PECAM1: variants seen among roughly 807,000 people sequenced by gnomAD.
PECAM1 encodes the protein platelet and endothelial cell adhesion molecule 1, also known as platelet endothelial cell adhesion molecule.
In PECAM1, 8 loss-of-function variants were observed where a neutral mutation model predicts 13.8. The ratio of observed to expected loss-of-function variants is 0.58; its 90% CI spans 0.34 to 1.05. The LOEUF (loss-of-function observed/expected upper bound fraction) is 1.05. Ranked by LOEUF, PECAM1 falls within the 50% of genes least tolerant of loss-of-function variation. The probability of loss-of-function intolerance (pLI) is 0.03; values close to 1 mark genes in which losing one functional copy is unlikely to be tolerated. For synonymous variants in PECAM1, 136 were observed against 52.6 expected (o/e 2.58, Z -6.86); for missense variants, 304 against 141.2 (o/e 2.15, Z -5.84).
At chr17:64,337,720 T>C (rs2035317961) in intron 14 of PECAM1, among the ~76,000 whole-genome samples, 1 of 151,978 alleles carries the variant, frequency 6.6e-6, no homozygotes, top group Non-Finnish European at 1.5e-5. Context: ...GACTGAGTAA[T>C]CTAGAACCAA....
chr17:64,376,663 G>A (rs2036366605), intron 3 of PECAM1, among the ~76,000 whole-genome samples: 1 of 152,070 alleles, frequency 6.6e-6, no homozygotes, highest in Non-Finnish European at 1.5e-5. Flanking sequence ...AAGAATGGAT[G>A]GCAATACTGA....
intron 13 of PECAM1, among the ~76,000 whole-genome samples, chr17:64,342,156 A>AC: frequency 5.0e-5 from 4 of 79,932 alleles, no homozygotes; most frequent in Middle Eastern, 0.012. Context: ...CCTCAAAAAA[A>AC]AAAAAAAGAA....
At chr17:64,350,326 C>CTT in intron 12 of PECAM1, 54 bp downstream of exon 12, 1 of 406,486 alleles carries the variant, frequency 2.5e-6, no homozygotes, top group East Asian at 3.6e-5. Flanking sequence ...TCCTATGAGT[C>CTT]TTTTTTTTAA....
intron 2 of PECAM1, among the ~76,000 whole-genome samples, chr17:64,388,836 T>G (rs1281022051): frequency 6.6e-6 from 1 of 152,014 alleles, no homozygotes; most frequent in Non-Finnish European, 1.5e-5. Flanking sequence ...CCAGCTAATT[T>G]TTTGTATTTT....
chr17:64,378,210 C>T (rs1167635770), intron 2 of PECAM1, 93 bp from the exon 3 acceptor site: 3 of 407,880 alleles, frequency 7.4e-6, no homozygotes, highest in African/African-American at 4.1e-5. Flanking sequence ...GGTCTTATCC[C>T]ATCCTATGCA....
At chr17:64,363,526 T>C in intron 5 of PECAM1, 129 bp from the exon 6 acceptor site, 1 of 462,112 alleles carries the variant, frequency 2.2e-6, no homozygotes, top group Non-Finnish European at 3.9e-6. Context: ...AAAGTTTTCC[T>C]TTGCTTCTCA....
At chr17:64,349,827 G>A (rs988217794) in intron 12 of PECAM1, among the ~76,000 whole-genome samples, 2 of 152,094 alleles carry the variant, frequency 1.3e-5, no homozygotes, top group African/African-American at 2.4e-5. Flanking sequence ...GGAGGTTGCA[G>A]TGAGCCGAGA....
chr17:64,363,861 T>C (rs912537074), intron 5 of PECAM1, among the ~76,000 whole-genome samples: 1 of 151,910 alleles, frequency 6.6e-6, no homozygotes, highest in African/African-American at 2.4e-5. Flanking sequence ...AGAGAATCCC[T>C]TGAACCCAGG....
At chr17:64,374,728 G>A (rs2036318545) in intron 4 of PECAM1, among the ~76,000 whole-genome samples, 1 of 151,802 alleles carries the variant, frequency 6.6e-6, no homozygotes, top group Non-Finnish European at 1.5e-5. Flanking sequence ...AGGCTGCACT[G>A]AGCCAAGATT....
At chr17:64,346,968 AG>A (rs1203033651) in intron 13 of PECAM1, among the ~76,000 whole-genome samples, 1,641 of 152,322 alleles carry the variant, frequency 0.011, 48 homozygotes, top group African/African-American at 0.037. Flanking sequence ...TGGGTTTGGC[AG>A]GGGGTCTACC....
chr17:64,323,756 A>T lies in PECAM1; in HGVS notation c.*60T>A. The T allele has an allele frequency of 8.0e-7, 1 of 1,256,334 alleles. No homozygotes were observed. Among genetic ancestry groups the T allele is most frequent in the Non-Finnish European group, 1.2e-6 (1 of 854,608 alleles). The allele number at this position is 1,256,334 out of a possible 1,614,324, so 77.8% of individuals were successfully genotyped here. A position where few individuals can be genotyped will look rare whatever the true frequency, so the allele number is the denominator to read the frequency against. ...TGCACAGAGGTCTTGAAATACAGGG[A>T]TTATCTGTTCTTCTCGGAACATGGA... On this transcript the variant is annotated 3_prime_UTR_variant, in exon 16 of 16. Transcript: ENST00000563924.
rs1368117885 is a variant in PECAM1 at position 64,322,432 on chromosome 17, C to G, written c.*1384G>C. The G allele has an allele frequency of 1.0e-6, 1 of 985,976 alleles. No individual in the cohort carries two copies. Among genetic ancestry groups the G allele is most frequent in the African/African-American group, 1.7e-5 (1 of 57,232 alleles). 61.1% of individuals were successfully genotyped at this position (985,976 alleles called of 1,614,324 possible). A position where few individuals can be genotyped will look rare whatever the true frequency, so the allele number is the denominator to read the frequency against. On this transcript the variant is annotated 3_prime_UTR_variant, in exon 16 of 16. Transcript: ENST00000563924. ...TAGACCTGCTCGGTTCTCTCTGTGACTTCAGAGGCCCAAGGAGTCCTCAGC... is the reference window on the plus strand; with the variant it reads ...TAGACCTGCTCGGTTCTCTCTGTGAGTTCAGAGGCCCAAGGAGTCCTCAGC...
chr17:64,347,106 C>G (rs1305949544), intron 13 of PECAM1, among the ~76,000 whole-genome samples: 1 of 152,108 alleles, frequency 6.6e-6, no homozygotes, highest in Non-Finnish European at 1.5e-5. Context: ...GTGGTGGCTT[C>G]GCCTGTAATC....
At chr17:64,361,255 C>T (rs988865455) in intron 6 of PECAM1, among the ~76,000 whole-genome samples, 11 of 151,796 alleles carry the variant, frequency 7.2e-5, no homozygotes, top group Admixed American at 1.3e-4. Context: ...AAGGGATTCT[C>T]CTGCCTCAGC....
In PECAM1 at chr17:64,355,049, A is replaced by C; in HGVS notation, c.1781-9T>G. On this transcript the variant is annotated splice_polypyrimidine_tract_variant and intron_variant, in intron 8 of 15. Transcript: ENST00000563924. ...CCATGGGGCAAGAATGACTGAAAAC[A>C]AAACAAAACAAAAAATTTTTTTTGT... 1 of 475,318 alleles carries C rather than the reference A, an allele frequency of 2.1e-6. No homozygotes were observed. The highest frequency in any genetic ancestry group is 3.9e-6 in the Non-Finnish European group (1 of 259,016). The allele number at this position is 475,318 out of a possible 1,614,324, so 29.4% of individuals were successfully genotyped here. A position where few individuals can be genotyped will look rare whatever the true frequency, so the allele number is the denominator to read the frequency against.
At chr17:64,372,675 G>C (rs2036267647) in intron 4 of PECAM1, among the ~76,000 whole-genome samples, 1 of 151,776 alleles carries the variant, frequency 6.6e-6, no homozygotes. Flanking sequence ...GCTAATTTTT[G>C]TATTTTTAGT....
intron 15 of PECAM1, among the ~76,000 whole-genome samples, chr17:64,325,312 C>T (rs1306760266): frequency 1.3e-5 from 2 of 151,876 alleles, no homozygotes; most frequent in Non-Finnish European, 2.9e-5. Flanking sequence ...GGCGTGAACC[C>T]GGGAGGCGGA....
intron 14 of PECAM1, among the ~76,000 whole-genome samples, chr17:64,330,952 T>C (rs572400141): frequency 1.3e-5 from 2 of 152,326 alleles, no homozygotes; most frequent in Admixed American, 1.3e-4. Flanking sequence ...ACTATTGACT[T>C]CACCAATTCC....
In PECAM1 at chr17:64,390,616, A is replaced by G. The variant is rs1448332566; in HGVS notation, c.50T>C (p.Leu17Pro). ...QGATMWLGVLLTLLLCSSLEG... is the reference protein window; with the variant it reads ...QGATMWLGVLPTLLLCSSLEG... ...TAAACACTCACAGAGCAGAAGGGTC[A>G]GCAGGACTCCAAGCCACATCGTGGC... Residue 17 changes from leucine to proline, a missense_variant, in exon 1 of 16, where the codon CTG (leucine) becomes CCG (proline). Physicochemically the swap from Leu to Pro is moderately conservative, Grantham distance 98 (BLOSUM62 -3). Transcript: ENST00000563924. 1 of 471,462 alleles carries G rather than the reference A, an allele frequency of 2.1e-6. No individual in the cohort carries two copies. The highest frequency in any genetic ancestry group is 3.9e-6 in the Non-Finnish European group (1 of 257,450). 29.2% of individuals were successfully genotyped at this position (471,462 alleles called of 1,614,324 possible). A position where few individuals can be genotyped will look rare whatever the true frequency, so the allele number is the denominator to read the frequency against.
Sources: allele counts gnomAD v4.1 joint callset (sites outside exome capture counted in the v4.1 genomes callset), GRCh38; gene constraint gnomAD v4.1.1; transcripts MANE v1.5; gene names NCBI Gene and HGNC (gene_info 2026-07-23, HGNC 2026-07-21).